COP1: variants seen among roughly 807,000 people sequenced by gnomAD.
COP1 encodes E3 ubiquitin-protein ligase COP1.
In COP1, 24 loss-of-function variants were observed where a neutral mutation model predicts 101.3. The ratio of observed to expected loss-of-function variants is 0.24; its 90% CI spans 0.17 to 0.33. The LOEUF (loss-of-function observed/expected upper bound fraction) is 0.33. Among genes scored for constraint, COP1 ranks in the 10% least tolerant of loss-of-function variants. The pLI is 1.00. For missense variants in COP1, 663 were observed against 906.2 expected (o/e 0.73, Z 3.45); for synonymous variants, 347 against 341.9 (o/e 1.01, Z -0.17).
chr1:176,081,843 T>G (rs1198197774), intron 10 of COP1, among the ~76,000 whole-genome samples: 1 of 152,130 alleles, frequency 6.6e-6, no homozygotes, highest in Non-Finnish European at 1.5e-5. Flanking sequence ...CTATTAATTC[T>G]AAAAAACAAA....
At chr1:176,165,151 T>C (rs1694899743) in intron 3 of COP1, among the ~76,000 whole-genome samples, 1 of 152,180 alleles carries the variant, frequency 6.6e-6, no homozygotes, top group South Asian at 2.1e-4. Flanking sequence ...CAGATGCATA[T>C]GATACAGTAC....
Position 175,988,275 on chromosome 1 carries a change from T to C in COP1, c.1972+13A>G. On this transcript the variant is annotated intron_variant, in intron 17 of 19. Transcript: ENST00000367669. ...CCTGTTAAAAAGTTCCTGGAAACGA[T>C]GGTTTCACTTACCACAAGCTATATA... The C allele has an allele frequency of 6.3e-7, 1 of 1,586,846 alleles. No homozygotes were observed. The highest frequency in any genetic ancestry group is 8.6e-7 in the Non-Finnish European group (1 of 1,167,074).
At chr1:176,118,340 A>T (rs1283152932) in intron 8 of COP1, among the ~76,000 whole-genome samples, 1 of 152,236 alleles carries the variant, frequency 6.6e-6, no homozygotes, top group African/African-American at 2.4e-5. Flanking sequence ...ATCTGTCTAC[A>T]CAGCAGTCTT....
At chr1:176,195,570 C>T (rs894409288) in intron 1 of COP1, among the ~76,000 whole-genome samples, 6 of 151,964 alleles carry the variant, frequency 3.9e-5, no homozygotes, top group African/African-American at 1.2e-4. Flanking sequence ...TTATGGTGGA[C>T]CATGAAACGA....
At chr1:176,164,791 C>T (rs191391783) in intron 3 of COP1, among the ~76,000 whole-genome samples, 1 of 152,230 alleles carries the variant, frequency 6.6e-6, no homozygotes, top group East Asian at 1.9e-4. Flanking sequence ...TAAATTGGAT[C>T]TTTCTATTTT....
chr1:175,995,435 C>CA, intron 15 of COP1, among the ~76,000 whole-genome samples: 1 of 151,982 alleles, frequency 6.6e-6, no homozygotes, highest in East Asian at 1.9e-4. Context: ...AAAAACCCTT[C>CA]AAAAAAATTA....
At chr1:176,078,568 T>C (rs888421521) in intron 11 of COP1, among the ~76,000 whole-genome samples, 4 of 151,398 alleles carry the variant, frequency 2.6e-5, no homozygotes, top group Non-Finnish European at 5.9e-5. Context: ...ATATCCTTCA[T>C]GACACAGGCT....
intron 15 of COP1, among the ~76,000 whole-genome samples, chr1:176,024,697 C>G (rs1344131914): frequency 1.3e-5 from 2 of 151,928 alleles, no homozygotes; most frequent in East Asian, 3.9e-4. Context: ...GTAGAAAACC[C>G]CAAGAAATCC....
At chr1:176,028,878 C>G (rs1403714407) in intron 14 of COP1, among the ~76,000 whole-genome samples, 1 of 151,412 alleles carries the variant, frequency 6.6e-6, no homozygotes, top group East Asian at 2.0e-4. Flanking sequence ...CCCACTCAGC[C>G]TCCCGGGTAG....
At chr1:176,191,029 C>A (rs1223934561) in intron 1 of COP1, among the ~76,000 whole-genome samples, 1 of 152,000 alleles carries the variant, frequency 6.6e-6, no homozygotes, top group Non-Finnish European at 1.5e-5. Context: ...GAAACACTTT[C>A]GTGTTTTGAT....
In COP1 at chr1:176,077,827, C is replaced by T. The variant is rs576057953; in HGVS notation, c.1277+3325G>A. 2.0e-4 allele frequency among the ~76,000 whole-genome samples: 30 copies of T among 152,178 alleles called. No individual in the cohort carries two copies. The South Asian group carries it at 4.4e-3, about 22-fold the overall frequency. ...AGTTTCAGAATACAAAATCGATGTA[C>T]AAAACTTGGTAGCATTTCCATATAC... On this transcript the variant is annotated intron_variant, in intron 11 of 19. Coordinates refer to ENST00000367669, the MANE Select transcript of COP1 (RefSeq NM_022457.7).
At chr1:175,985,529 A>G (rs1285670780) in intron 18 of COP1, among the ~76,000 whole-genome samples, 1 of 152,152 alleles carries the variant, frequency 6.6e-6, no homozygotes, top group African/African-American at 2.4e-5. Context: ...GGGGACTTAA[A>G]ACAAAGTAAT....
chr1:175,975,468 G>A (rs1446985064), intron 18 of COP1, among the ~76,000 whole-genome samples: 1 of 152,116 alleles, frequency 6.6e-6, no homozygotes, highest in Non-Finnish European at 1.5e-5. Flanking sequence ...GGAGTGCAGT[G>A]CCACGATCTC....
chr1:176,114,614 G>T (rs1358932596), intron 9 of COP1, among the ~76,000 whole-genome samples: 1 of 151,568 alleles, frequency 6.6e-6, no homozygotes, highest in South Asian at 2.1e-4. Flanking sequence ...GGGGGAAAGG[G>T]TCTCACTCTG....
chr1:176,094,923 A>C (rs989576827), intron 9 of COP1, among the ~76,000 whole-genome samples: 1 of 152,212 alleles, frequency 6.6e-6, no homozygotes, highest in Non-Finnish European at 1.5e-5. Flanking sequence ...AAAAGCAATG[A>C]GATCTTCAAA....
At chr1:176,102,150 C>A (rs1032458989) in intron 9 of COP1, among the ~76,000 whole-genome samples, 1 of 151,998 alleles carries the variant, frequency 6.6e-6, no homozygotes, top group Non-Finnish European at 1.5e-5. Context: ...CCATTTGCAG[C>A]GGGGAGGAGC....
intron 14 of COP1, among the ~76,000 whole-genome samples, chr1:176,034,742 G>C (rs1185179266): frequency 1.3e-5 from 2 of 152,204 alleles, no homozygotes; most frequent in Admixed American, 6.5e-5. Flanking sequence ...CAAATGCTTT[G>C]CGCACTGAAC....
At chr1:176,024,747 C>T (rs1557947366) in intron 15 of COP1, among the ~76,000 whole-genome samples, 1 of 152,078 alleles carries the variant, frequency 6.6e-6, no homozygotes, top group South Asian at 2.1e-4. Flanking sequence ...GTTAGAGATA[C>T]AAGAGAGATA....
At chr1:176,146,818 G>A (rs548821341) in intron 6 of COP1, among the ~76,000 whole-genome samples, 2 of 152,258 alleles carry the variant, frequency 1.3e-5, no homozygotes, top group African/African-American at 4.8e-5. Flanking sequence ...TAATGCAAAT[G>A]CCTATTATGT....
Sources: allele counts gnomAD v4.1 joint callset (sites outside exome capture counted in the v4.1 genomes callset), GRCh38; gene constraint gnomAD v4.1.1; transcripts MANE v1.5; gene names NCBI Gene and HGNC (gene_info 2026-07-23, HGNC 2026-07-21).